SNX14: variants seen among roughly 807,000 people sequenced by gnomAD.
SNX14 encodes sorting nexin 14.
SNX14 carries 93 observed loss-of-function variants against 133.8 expected under a neutral mutation model. That is an observed-to-expected ratio of 0.70 (90% confidence interval 0.59 to 0.83). The LOEUF is 0.83. SNX14 is among the 40% of genes least tolerant of loss of function. The probability of loss-of-function intolerance (pLI) is 0.00; values close to 1 mark genes in which losing one functional copy is unlikely to be tolerated. For missense variants in SNX14, 945 were observed against 1,094.9 expected, an observed-to-expected ratio of 0.86 and a Z score of 1.93; for synonymous variants, 368 against 365.6, an observed-to-expected ratio of 1.01 and a Z score of -0.07.
rs527865269 is a variant in SNX14 at position 85,552,603 on chromosome 6, T to C, written c.635-2724A>G. 5.3e-5 allele frequency among the ~76,000 whole-genome samples: 8 copies of C among 152,182 alleles called. 1 individual carries two copies. Among genetic ancestry groups the C allele is most frequent in the East Asian group, 1.9e-4 (1 of 5,170 alleles). On this transcript the variant is annotated intron_variant, in intron 7 of 28. Transcript: ENST00000314673. ...AACAAGAAAATAATAACATAAACAATTGCCCCAAGTAAGCCAGAGTCACAA... is the reference window on the plus strand; with the variant it reads ...AACAAGAAAATAATAACATAAACAACTGCCCCAAGTAAGCCAGAGTCACAA...
At chr6:85,536,702 C>A in intron 17 of SNX14, 90 bp downstream of exon 17, 2 of 1,302,066 alleles carry the variant, frequency 1.5e-6, no homozygotes, top group South Asian at 1.6e-5. Flanking sequence ...CACAGATTCT[C>A]CAAAAAAAGG....
At chr6:85,537,380 A>T (rs980162250) in intron 16 of SNX14, among the ~76,000 whole-genome samples, 14 of 152,208 alleles carry the variant, frequency 9.2e-5, no homozygotes, top group Non-Finnish European at 2.1e-4. Flanking sequence ...TTACTTTCTC[A>T]GTACTTCATT....
Position 85,593,773 on chromosome 6 carries a change from A to G in SNX14, c.-55T>C. ...ACTGGCTGAGGCAGAGGTCAAGGCG[A>G]CCCCCCATCCACACCTCGCGTCCCC... On this transcript the variant is annotated 5_prime_UTR_variant, in exon 1 of 29. Coordinates refer to ENST00000314673, the MANE Select transcript of SNX14 (RefSeq NM_153816.6). The G allele has an allele frequency of 1.1e-5, 16 of 1,513,592 alleles. No individual in the cohort carries two copies. The highest frequency in any genetic ancestry group is 1.4e-5 in the Non-Finnish European group (16 of 1,132,992). 93.8% of individuals were successfully genotyped at this position (1,513,592 alleles called of 1,614,324 possible).
chr6:85,532,799 G>A (rs1322609985), intron 18 of SNX14, among the ~76,000 whole-genome samples: 1 of 152,100 alleles, frequency 6.6e-6, no homozygotes, highest in Non-Finnish European at 1.5e-5. Context: ...GTTAAACCCG[G>A]TCTCTATTAC....
At chr6:85,532,586 C>T (rs1780627934) in intron 18 of SNX14, among the ~76,000 whole-genome samples, 1 of 152,122 alleles carries the variant, frequency 6.6e-6, no homozygotes, top group African/African-American at 2.4e-5. Flanking sequence ...TTCCTTCTTT[C>T]CTCATAACTC....
At position 85,530,189 on chromosome 6, in the gene SNX14, T is replaced by C; in HGVS notation, c.1894+3A>G. 1 of 1,532,194 alleles carries C rather than the reference T, an allele frequency of 6.5e-7. No homozygotes were observed. Among genetic ancestry groups the C allele is most frequent in the Non-Finnish European group, 9.0e-7 (1 of 1,112,516 alleles). The allele number at this position is 1,532,194 out of a possible 1,614,324, so 94.9% of individuals were successfully genotyped here. On this transcript the variant is annotated splice_donor_region_variant and intron_variant, in intron 19 of 28. Coordinates refer to ENST00000314673, the MANE Select transcript of SNX14 (RefSeq NM_153816.6). The stretch of plus-strand genomic sequence containing the variant: ...AATGTTTTATCCAAAAAGAATAACA[T>C]ACCATGAAATTCTGTTAGTTTTGAT...
chr6:85,553,344 G>C (rs930796401), intron 7 of SNX14, among the ~76,000 whole-genome samples: 1 of 152,248 alleles, frequency 6.6e-6, no homozygotes, highest in Non-Finnish European at 1.5e-5. Context: ...AGAATTTGGG[G>C]CATGGGTCTT....
chr6:85,509,143 C>A (rs1294079305), intron 26 of SNX14, among the ~76,000 whole-genome samples: 2 of 152,144 alleles, frequency 1.3e-5, no homozygotes, highest in African/African-American at 4.8e-5. Context: ...GAGGATAACA[C>A]AAAGGAATGG....
rs371511035 is a variant in SNX14 at position 85,583,380 on chromosome 6, C to T, written c.141-9002G>A. 4.2e-4 allele frequency among the ~76,000 whole-genome samples: 64 copies of T among 152,264 alleles called. No homozygotes were observed. The South Asian group carries it at 0.012, about 29-fold the overall frequency. On this transcript the variant is annotated intron_variant, in intron 1 of 28. Transcript: ENST00000314673. ...CCTCTCTCACCACTCCTATTCAACACAGTATTGTAAGTTCTGGCCAGGGCA... is the reference window on the plus strand; with the variant it reads ...CCTCTCTCACCACTCCTATTCAACATAGTATTGTAAGTTCTGGCCAGGGCA...
At chr6:85,514,277 T>C (rs913632211) in intron 24 of SNX14, 43 bp from the exon 25 acceptor site, 5 of 1,561,308 alleles carry the variant, frequency 3.2e-6, no homozygotes, top group East Asian at 2.2e-5. Context: ...TCCAGATGAA[T>C]TGGTATTTTT....
chr6:85,540,297 CT>C (rs1439931556), intron 15 of SNX14, among the ~76,000 whole-genome samples: 1 of 152,132 alleles, frequency 6.6e-6, no homozygotes, highest in African/African-American at 2.4e-5. Flanking sequence ...CACAGAACCA[CT>C]TCCCCTTAAA....
chr6:85,537,361 A>G (rs1284891331), intron 16 of SNX14, among the ~76,000 whole-genome samples: 1 of 152,130 alleles, frequency 6.6e-6, no homozygotes, highest in Non-Finnish European at 1.5e-5. Flanking sequence ...AAAAAAAAAC[A>G]TTAAACTATT....
At chr6:85,513,509 G>A (rs936550314) in intron 26 of SNX14, among the ~76,000 whole-genome samples, 2 of 152,200 alleles carry the variant, frequency 1.3e-5, no homozygotes, top group Non-Finnish European at 2.9e-5. Flanking sequence ...CGTGGACACA[G>A]GCCTTCAATT....
At chr6:85,591,734 G>A (rs994917928) in intron 1 of SNX14, among the ~76,000 whole-genome samples, 1 of 152,186 alleles carries the variant, frequency 6.6e-6, no homozygotes, top group South Asian at 2.1e-4. Flanking sequence ...TATGGGCTGC[G>A]TGCAGTCGCT....
chr6:85,558,898 G>A (rs1158930618), intron 6 of SNX14, among the ~76,000 whole-genome samples: 2 of 151,314 alleles, frequency 1.3e-5, no homozygotes, highest in African/African-American at 2.4e-5. Flanking sequence ...AGGTTAGTGA[G>A]GGAGGGCTGA....
rs111922898 is a variant in SNX14 at position 85,565,771 on chromosome 6, T to G, written c.462-352A>C. Among the ~76,000 whole-genome samples the G allele has an allele frequency of 4.3e-3, 659 of 152,260 alleles. 7 individuals are homozygous for G. Among genetic ancestry groups the G allele is most frequent in the African/African-American group, 0.015 (627 of 41,562 alleles). Reference sequence around the variant, plus strand: ...AATAATTTTGGAGAAGCAATAGAATTAATACAAAATTTTTAAATAGTTTAA... The same window carrying G: ...AATAATTTTGGAGAAGCAATAGAATGAATACAAAATTTTTAAATAGTTTAA... On this transcript the variant is annotated intron_variant, in intron 5 of 28. Coordinates refer to ENST00000314673, the MANE Select transcript of SNX14 (RefSeq NM_153816.6).
chr6:85,515,631 T>C (rs1774703507), intron 23 of SNX14, among the ~76,000 whole-genome samples: 1 of 152,164 alleles, frequency 6.6e-6, no homozygotes, highest in African/African-American at 2.4e-5. Context: ...AAAGACCATA[T>C]ATTCTATTGG....
chr6:85,560,712 T>A (rs2128144559), intron 6 of SNX14, among the ~76,000 whole-genome samples: 1 of 152,278 alleles, frequency 6.6e-6, no homozygotes, highest in South Asian at 2.1e-4. Flanking sequence ...TGAGGTGCTA[T>A]TAATTTAGAA....
intron 12 of SNX14, among the ~76,000 whole-genome samples, chr6:85,544,043 A>G (rs1303299957): frequency 6.6e-6 from 1 of 152,184 alleles, no homozygotes; most frequent in Non-Finnish European, 1.5e-5. Flanking sequence ...TAGTTTCCTT[A>G]AAGAATATTG....
Sources: gnomAD v4.1 joint callset for allele counts (sites outside exome capture counted in the v4.1 genomes callset) on GRCh38, gnomAD v4.1.1 for gene constraint, MANE v1.5 for transcripts, NCBI Gene and HGNC (gene_info 2026-07-23, HGNC 2026-07-21) for gene names.